The following CSMD1 variants were observed in gnomAD, a reference collection of about 807,000 sequenced individuals.
CSMD1 encodes the protein CUB and sushi domain-containing protein 1.
In CSMD1, 213 loss-of-function variants were observed where a neutral mutation model predicts 417.5. That is an observed-to-expected ratio of 0.51 (90% CI 0.46 to 0.57). The LOEUF (loss-of-function observed/expected upper bound fraction) is 0.57. Ranked by LOEUF, CSMD1 falls within the 20% of genes least tolerant of loss-of-function variation. The pLI is 0.00. For missense variants in CSMD1, 6,923 were observed against 4,529.7 expected, an observed-to-expected ratio of 1.53 and a Z score of -15.17; for synonymous variants, 2,862 against 1,736.8, an observed-to-expected ratio of 1.65 and a Z score of -16.11.
intron 1 of CSMD1, among the ~76,000 whole-genome samples, chr8:4,984,979 G>C (rs1256214725): frequency 1.3e-5 from 2 of 152,144 alleles, no homozygotes; most frequent in Admixed American, 1.3e-4. Flanking sequence ...AGCACTCAGA[G>C]ATTCATCCTC....
chr8:3,242,424 C>A (rs1042771624), intron 26 of CSMD1, among the ~76,000 whole-genome samples: 1 of 151,922 alleles, frequency 6.6e-6, no homozygotes, highest in Non-Finnish European at 1.5e-5. Flanking sequence ...GGAACAGAGA[C>A]TAGGTAGGGA....
At chr8:4,138,808 A>T (rs12676159) in intron 3 of CSMD1, among the ~76,000 whole-genome samples, 4 of 152,040 alleles carry the variant, frequency 2.6e-5, no homozygotes, top group East Asian at 3.9e-4. Context: ...ATTTAATGGT[A>T]TTTTTTTGCC....
intron 22 of CSMD1, 77 bp from the exon 23 acceptor site, chr8:3,343,527 A>C: frequency 7.6e-7 from 1 of 1,307,268 alleles, no homozygotes; most frequent in Non-Finnish European, 1.1e-6. Context: ...AAACAATCCA[A>C]ATCTTCAAAG....
chr8:3,309,274 C>T (rs1805138675), intron 23 of CSMD1, among the ~76,000 whole-genome samples: 2 of 152,096 alleles, frequency 1.3e-5, no homozygotes, highest in Admixed American at 6.6e-5. Context: ...GACCCGCCCA[C>T]CTTCCCGACA....
intron 4 of CSMD1, among the ~76,000 whole-genome samples, chr8:4,029,874 C>T (rs1187623072): frequency 6.6e-6 from 1 of 150,640 alleles, no homozygotes; most frequent in African/African-American, 2.5e-5. Flanking sequence ...TAAATACAGC[C>T]ATTCAAAAAT....
intron 2 of CSMD1, among the ~76,000 whole-genome samples, chr8:4,571,387 A>C (rs539044364): frequency 6.6e-6 from 1 of 152,132 alleles, no homozygotes; most frequent in African/African-American, 2.4e-5. Context: ...TTCTGCCTTA[A>C]TTTCGTTATT....
intron 5 of CSMD1, among the ~76,000 whole-genome samples, chr8:3,988,339 G>C (rs535261128): frequency 9.2e-5 from 14 of 152,274 alleles, no homozygotes; most frequent in Middle Eastern, 3.4e-3. Flanking sequence ...TTCTGAAATA[G>C]CATAACTACT....
chr8:4,439,626 A>G (rs564692026), intron 2 of CSMD1, among the ~76,000 whole-genome samples: 2 of 152,174 alleles, frequency 1.3e-5, no homozygotes, highest in Non-Finnish European at 2.9e-5. Flanking sequence ...GTAAAGTAAA[A>G]CAGCACCATA....
chr8:3,615,508 G>A (rs778565510), intron 8 of CSMD1, among the ~76,000 whole-genome samples: 3 of 152,130 alleles, frequency 2.0e-5, no homozygotes, highest in Non-Finnish European at 4.4e-5. Context: ...ATGTGTAATA[G>A]TTAACCTATA....
At chr8:3,747,543 C>T (rs1438417405) in intron 6 of CSMD1, among the ~76,000 whole-genome samples, 4 of 150,962 alleles carry the variant, frequency 2.6e-5, no homozygotes, top group South Asian at 4.2e-4. Context: ...TCATCCATGT[C>T]GTTACATGTA....
chr8:4,322,376 C>G (rs913134619), intron 3 of CSMD1, among the ~76,000 whole-genome samples: 1 of 152,030 alleles, frequency 6.6e-6, no homozygotes. Flanking sequence ...AATTAGAATT[C>G]CCCCAGTTGG....
chr8:4,989,833 GTT>G (rs1218399949), intron 1 of CSMD1, among the ~76,000 whole-genome samples: 2 of 152,194 alleles, frequency 1.3e-5, no homozygotes, highest in Non-Finnish European at 2.9e-5. Context: ...ACCGAGCTTT[GTT>G]TATCTGTTTC....
At chr8:4,450,749 G>A (rs979288120) in intron 2 of CSMD1, among the ~76,000 whole-genome samples, 1 of 152,174 alleles carries the variant, frequency 6.6e-6, no homozygotes, top group South Asian at 2.1e-4. Context: ...CAACAAAACA[G>A]CGGTCTCTTC....
intron 3 of CSMD1, among the ~76,000 whole-genome samples, chr8:4,098,056 C>G (rs1326045262): frequency 6.6e-6 from 1 of 152,136 alleles, no homozygotes; most frequent in African/African-American, 2.4e-5. Flanking sequence ...ACAGAGAATG[C>G]TCACTTAAAG....
At chr8:3,664,009 G>C (rs756962209) in intron 7 of CSMD1, among the ~76,000 whole-genome samples, 5 of 152,286 alleles carry the variant, frequency 3.3e-5, no homozygotes, top group Non-Finnish European at 5.9e-5. Flanking sequence ...TGGATGGCTT[G>C]AGTTAAAGTT....
intron 2 of CSMD1, among the ~76,000 whole-genome samples, chr8:4,637,085 C>A (rs1196795164): frequency 6.6e-6 from 1 of 152,116 alleles, no homozygotes; most frequent in Non-Finnish European, 1.5e-5. Context: ...GTTGGTCTCC[C>A]TTGCTGTGCT....
intron 3 of CSMD1, among the ~76,000 whole-genome samples, chr8:4,333,255 T>C (rs889051795): frequency 2.0e-5 from 3 of 152,092 alleles, no homozygotes; most frequent in East Asian, 1.9e-4. Flanking sequence ...CACAATTCTA[T>C]TAAAGCCAAT....
chr8:4,483,836 A>C (rs191069666), intron 2 of CSMD1, among the ~76,000 whole-genome samples: 1 of 152,330 alleles, frequency 6.6e-6, no homozygotes, highest in Admixed American at 6.5e-5. Flanking sequence ...TCTAGAAAAT[A>C]ACAAAATATT....
chr8:3,523,689 A>G (rs1173153725), intron 10 of CSMD1, among the ~76,000 whole-genome samples: 4 of 151,938 alleles, frequency 2.6e-5, no homozygotes, highest in African/African-American at 9.7e-5. Flanking sequence ...ACCCAGAGAG[A>G]CATATGCACA....
Sources: gnomAD v4.1 joint callset for allele counts (sites outside exome capture counted in the v4.1 genomes callset) on GRCh38, gnomAD v4.1.1 for gene constraint, MANE v1.5 for transcripts, NCBI Gene and HGNC (gene_info 2026-07-23, HGNC 2026-07-21) for gene names.